ANK3: variants seen among roughly 807,000 people sequenced by gnomAD.
The protein encoded by ANK3 is ankyrin 3.
ANK3 carries 57 observed loss-of-function variants against 370.9 expected under a neutral mutation model. That is an observed-to-expected ratio of 0.15 (90% CI 0.12 to 0.19). The LOEUF is 0.19. Among genes scored for constraint, ANK3 ranks in the 10% least tolerant of loss-of-function variants. The pLI, the probability that ANK3 is intolerant of heterozygous loss-of-function variation, is 1.00. For synonymous variants in ANK3, 1,929 were observed against 1,946.3 expected (o/e 0.99, Z 0.23); for missense variants, 4,439 against 5,302.1 (o/e 0.84, Z 5.06).
intron 40 of ANK3, chr10:60,062,140 T>C (rs10219087): frequency 0.99 from 151,311 of 152,312 alleles, 75,162 homozygotes; most frequent in Middle Eastern, 1. Context: ...CGGTGGTGCA[T>C]GCCTGTAATC....
chr10:60,590,730 C>T (rs1031002933), intron 2 of ANK3, among the ~76,000 whole-genome samples: 4 of 152,160 alleles, frequency 2.6e-5, no homozygotes, highest in Non-Finnish European at 5.9e-5. Flanking sequence ...GCATAGTATT[C>T]GCATATAACC....
intron 23 of ANK3, among the ~76,000 whole-genome samples, chr10:60,156,011 T>C (rs1471379219): frequency 6.6e-6 from 1 of 152,238 alleles, no homozygotes; most frequent in Non-Finnish European, 1.5e-5. Context: ...CTTGTGATTG[T>C]GTGAATCAAT....
intron 2 of ANK3, among the ~76,000 whole-genome samples, chr10:60,435,664 C>T (rs988083232): frequency 1.3e-5 from 2 of 152,150 alleles, no homozygotes; most frequent in African/African-American, 2.4e-5. Context: ...AAAGTTATTC[C>T]CCATTCTCCT....
At chr10:60,429,992 T>C (rs890374677) in intron 2 of ANK3, among the ~76,000 whole-genome samples, 1 of 152,198 alleles carries the variant, frequency 6.6e-6, no homozygotes, top group African/African-American at 2.4e-5. Context: ...GGTAAAAGTA[T>C]ATTTATCCTA....
chr10:60,377,357 A>T (rs2060924651), intron 1 of ANK3, among the ~76,000 whole-genome samples: 1 of 152,240 alleles, frequency 6.6e-6, no homozygotes, highest in East Asian at 1.9e-4. Flanking sequence ...GTTCAAGGTT[A>T]TGATTTTGAC....
At chr10:60,590,988 C>A (rs1157098264) in intron 2 of ANK3, among the ~76,000 whole-genome samples, 2 of 152,134 alleles carry the variant, frequency 1.3e-5, no homozygotes, top group African/African-American at 4.8e-5. Flanking sequence ...AGACACCATG[C>A]ATAAAGGTGC....
At position 60,166,867 on chromosome 10, in the gene ANK3, A is replaced by C. The variant is rs1474126613; in HGVS notation, c.2508T>G (p.Val836=). The C allele has an allele frequency of 4.3e-6, 7 of 1,614,038 alleles. No homozygotes were observed. The highest frequency in any genetic ancestry group is 5.9e-6 in the Non-Finnish European group (7 of 1,179,956). Residue 836 remains valine, a synonymous_variant, in exon 22 of 44, where the codon GTT becomes GTG. Transcript: ENST00000280772. ...CAAGAACTTCATTCATCGTTTCTGGAACATTCATTTTGTGCTTCTCTGTGA... is the reference window on the plus strand; with the variant it reads ...CAAGAACTTCATTCATCGTTTCTGGCACATTCATTTTGTGCTTCTCTGTGA... ...TTVTEKHKMN[V]PETMNEVLDM...
intron 23 of ANK3, 33 bp from the exon 24 acceptor site, chr10:60,139,120 G>C (rs1165404697): frequency 6.2e-7 from 1 of 1,600,816 alleles, no homozygotes; most frequent in Admixed American, 1.7e-5. Context: ...CACATCAAAA[G>C]CTTCCCTTTT....
intron 1 of ANK3, among the ~76,000 whole-genome samples, chr10:60,728,426 CA>C (rs1272825275): frequency 2.0e-5 from 3 of 149,660 alleles, no homozygotes; most frequent in Non-Finnish European, 4.5e-5. Flanking sequence ...AAAACGAAAT[CA>C]TTTTTTTAAA....
rs545050440 is a variant in ANK3 at position 60,732,737 on chromosome 10, T to G, written c.57+526A>C. ...AAAAACGCCTAACTCTGAAGGTAAC[T>G]TTCAGAGTCTGAAGGTAACTTTCAG... On this transcript the variant is annotated intron_variant, in intron 1 of 43. Coordinates refer to the ANK3 transcript ENST00000373827. Among the ~76,000 whole-genome samples, 37 of 152,058 alleles carry G rather than the reference T, an allele frequency of 2.4e-4. 1 individual carries two copies. In the South Asian group the frequency reaches 7.3e-3, roughly 30 times the overall value.
chr10:60,059,257 A>T (rs1410689064), intron 41 of ANK3, 83 bp downstream of exon 41: 19 of 1,170,308 alleles, frequency 1.6e-5, no homozygotes, highest in Non-Finnish European at 2.4e-5. Flanking sequence ...ATTTAGAAGA[A>T]GTCACCACTA....
intron 1 of ANK3, among the ~76,000 whole-genome samples, chr10:60,638,570 TGA>T (rs1161611485): frequency 2.0e-5 from 3 of 150,892 alleles, no homozygotes; most frequent in African/African-American, 7.3e-5. Context: ...GAAACAGAAA[TGA>T]GAGAGATGAT....
At chr10:60,121,008 C>G (rs570111944) in intron 25 of ANK3, among the ~76,000 whole-genome samples, 1 of 152,246 alleles carries the variant, frequency 6.6e-6, no homozygotes, top group African/African-American at 2.4e-5. Flanking sequence ...TCTGCACGCC[C>G]ATGTTTATTG....
chr10:60,587,806 G>T (rs1182561268), intron 2 of ANK3, among the ~76,000 whole-genome samples: 1 of 152,130 alleles, frequency 6.6e-6, no homozygotes, highest in Non-Finnish European at 1.5e-5. Context: ...TTTAGAAACT[G>T]TACCTCAAAG....
At chr10:60,128,251 A>T (rs1170484802) in intron 25 of ANK3, among the ~76,000 whole-genome samples, 1 of 152,154 alleles carries the variant, frequency 6.6e-6, no homozygotes, top group African/African-American at 2.4e-5. Context: ...GCACTGAGCA[A>T]TGCAGATGTA....
intron 2 of ANK3, among the ~76,000 whole-genome samples, chr10:60,403,001 C>T (rs1039979916): frequency 1.3e-5 from 2 of 151,864 alleles, no homozygotes; most frequent in Admixed American, 6.6e-5. Flanking sequence ...AAATACTGGG[C>T]ATAAAAGAGG....
intron 1 of ANK3, among the ~76,000 whole-genome samples, chr10:60,673,210 T>G (rs1048671665): frequency 3.3e-5 from 5 of 152,110 alleles, no homozygotes; most frequent in African/African-American, 7.2e-5. Context: ...TTCTTTTTCA[T>G]AGGCACAGAA....
intron 2 of ANK3, chr10:60,508,287 T>C (rs1159732604): frequency 6.6e-6 from 1 of 152,496 alleles, no homozygotes; most frequent in Non-Finnish European, 1.5e-5. Context: ...TGGTAAAAAT[T>C]ATTCTCCAGA....
At chr10:60,422,164 T>A (rs951051762) in intron 2 of ANK3, among the ~76,000 whole-genome samples, 1 of 152,024 alleles carries the variant, frequency 6.6e-6, no homozygotes, top group Non-Finnish European at 1.5e-5. Context: ...TTGAACAACT[T>A]CCACCAAAGT....
Sources: gnomAD v4.1 joint callset for allele counts (sites outside exome capture counted in the v4.1 genomes callset) on GRCh38, gnomAD v4.1.1 for gene constraint, MANE v1.5 for transcripts, NCBI Gene and HGNC (gene_info 2026-07-23, HGNC 2026-07-21) for gene names.